The following ZC3H13 variants were observed in gnomAD, a reference collection of about 807,000 sequenced individuals.
ZC3H13 encodes zinc finger CCCH-type containing 13.
In ZC3H13, 64 loss-of-function variants were observed where a neutral mutation model predicts 204.1. That is an observed-to-expected ratio of 0.31 (90% confidence interval 0.26 to 0.39). The LOEUF (loss-of-function observed/expected upper bound fraction) is 0.39. Among genes scored for constraint, ZC3H13 ranks in the 10% least tolerant of loss-of-function variants. The probability of loss-of-function intolerance (pLI) is 1.00; values close to 1 mark genes in which losing one functional copy is unlikely to be tolerated. For synonymous variants in ZC3H13, 667 were observed against 693.7 expected, an observed-to-expected ratio of 0.96 and a Z score of 0.60; for missense variants, 1,833 against 2,082.7, an observed-to-expected ratio of 0.88 and a Z score of 2.33.
chr13:46,007,692 T>C (rs2041250459), intron 7 of ZC3H13, among the ~76,000 whole-genome samples: 1 of 152,226 alleles, frequency 6.6e-6, no homozygotes, highest in Non-Finnish European at 1.5e-5. Flanking sequence ...GTTTTGTGTA[T>C]TCTGAAATCA....
intron 17 of ZC3H13, chr13:45,963,584 G>A: frequency 8.1e-7 from 1 of 1,235,556 alleles, no homozygotes. Flanking sequence ...CACCACGCCT[G>A]GCCTGTTAAT....
chr13:46,038,305 G>A (rs775000317), intron 4 of ZC3H13, among the ~76,000 whole-genome samples: 3 of 152,060 alleles, frequency 2.0e-5, no homozygotes, highest in Non-Finnish European at 2.9e-5. Context: ...ACACCGCGTC[G>A]ATCCTTCAAC....
At chr13:45,982,334 C>A (rs538990739) in intron 10 of ZC3H13, among the ~76,000 whole-genome samples, 2 of 151,976 alleles carry the variant, frequency 1.3e-5, no homozygotes, top group South Asian at 4.2e-4. Context: ...AATGGATTAA[C>A]CATCAGATTA....
chr13:46,000,233 T>C (rs989396893), intron 8 of ZC3H13, among the ~76,000 whole-genome samples: 6 of 152,226 alleles, frequency 3.9e-5, no homozygotes, highest in East Asian at 1.9e-4. Flanking sequence ...AAGCCAAGCA[T>C]TGACTTCTCC....
At chr13:46,025,504 C>T (rs2042490621) in intron 4 of ZC3H13, among the ~76,000 whole-genome samples, 1 of 152,112 alleles carries the variant, frequency 6.6e-6, no homozygotes, top group African/African-American at 2.4e-5. Flanking sequence ...GAGACAGGGT[C>T]TCTCTATGTT....
intron 4 of ZC3H13, among the ~76,000 whole-genome samples, chr13:46,028,078 A>C (rs2042652603): frequency 6.6e-6 from 1 of 152,206 alleles, no homozygotes; most frequent in Non-Finnish European, 1.5e-5. Flanking sequence ...TATGTTGTCT[A>C]CAAGAAACCC....
At chr13:45,961,509 T>C (rs572616233) in intron 17 of ZC3H13, among the ~76,000 whole-genome samples, 8 of 130,776 alleles carry the variant, frequency 6.1e-5, no homozygotes, top group Non-Finnish European at 1.3e-4. Flanking sequence ...CAACAGAGAG[T>C]AGAATGATGG....
intron 10 of ZC3H13, among the ~76,000 whole-genome samples, chr13:45,983,978 T>C (rs147247448): frequency 2.6e-5 from 4 of 152,324 alleles, no homozygotes; most frequent in Admixed American, 6.5e-5. Flanking sequence ...TAGTGACATA[T>C]GTACACAGTT....
At chr13:46,013,891 T>C (rs374458321) in intron 5 of ZC3H13, among the ~76,000 whole-genome samples, 3 of 152,248 alleles carry the variant, frequency 2.0e-5, no homozygotes, top group South Asian at 4.1e-4. Context: ...ATATAAAGAA[T>C]TCTTACTAAT....
rs1221551530 is a variant in ZC3H13, at chr13:45,969,191, G to A, written c.3353C>T (p.Thr1118Ile). ...GGCAGCAGCAGTAGTGGCAGCAAGA[G>A]TTGCAGGCACAGTTGTAGCAGTGGC... ...ATATATTVPA[T>I]LAATTAAAAT... Residue 1118 changes from threonine (T) to isoleucine (I), a missense_variant, in exon 14 of 19, where the codon ACT (threonine) becomes ATT (isoleucine). Physicochemically the swap from Thr to Ile is moderately conservative, Grantham distance 89 (BLOSUM62 -1). Coordinates refer to ENST00000679008, the MANE Select transcript of ZC3H13 (RefSeq NM_001330564.2). 1 of 1,614,050 alleles carries A rather than the reference G, an allele frequency of 6.2e-7. No homozygotes were observed. The highest frequency in any genetic ancestry group is 8.5e-7 in the Non-Finnish European group (1 of 1,179,994).
chr13:45,954,500 A>C lies in ZC3H13; in HGVS notation c.*2627T>G, dbSNP rs1951185910. 1 of 152,246 alleles carries C rather than the reference A, an allele frequency of 6.6e-6. No homozygotes were observed. The highest frequency in any genetic ancestry group is 2.4e-5 in the African/African-American group (1 of 41,472). The allele number at this position is 152,246 out of a possible 1,614,324, so 9.4% of individuals were successfully genotyped here. A position where few individuals can be genotyped will look rare whatever the true frequency, so the allele number is the denominator to read the frequency against. Reference sequence around the variant, plus strand: ...AAGAAAGTTTATTGGAGATTATTAAAGAAAAATGATAAAATAAGGCAAGTC... The same window carrying C: ...AAGAAAGTTTATTGGAGATTATTAACGAAAAATGATAAAATAAGGCAAGTC... On this transcript the variant is annotated 3_prime_UTR_variant, in exon 19 of 19. Coordinates refer to ENST00000679008, the MANE Select transcript of ZC3H13 (RefSeq NM_001330564.2).
At chr13:45,997,454 A>G (rs1471999987) in intron 8 of ZC3H13, among the ~76,000 whole-genome samples, 1 of 152,148 alleles carries the variant, frequency 6.6e-6, no homozygotes, top group African/African-American at 2.4e-5. Flanking sequence ...CTCCCTCACC[A>G]AAACACATAC....
At chr13:46,009,828 A>G (rs1002477176) in intron 7 of ZC3H13, among the ~76,000 whole-genome samples, 2 of 152,100 alleles carry the variant, frequency 1.3e-5, no homozygotes, top group African/African-American at 4.8e-5. Context: ...TTTGTGTATA[A>G]TTTGTAGCAG....
At chr13:46,017,734 C>T (rs2041998527) in intron 5 of ZC3H13, among the ~76,000 whole-genome samples, 1 of 151,962 alleles carries the variant, frequency 6.6e-6, no homozygotes, top group South Asian at 2.1e-4. Context: ...CTGAATCCAG[C>T]TAAAATTGTT....
chr13:45,988,108 GCTCT>G (rs1373019861), intron 9 of ZC3H13, among the ~76,000 whole-genome samples: 17 of 151,950 alleles, frequency 1.1e-4, no homozygotes, highest in African/African-American at 4.1e-4. Flanking sequence ...TTCAAACTAC[GCTCT>G]CTGATTTGTT....
At chr13:46,049,379 A>C (rs1407054634) in intron 1 of ZC3H13, among the ~76,000 whole-genome samples, 2 of 152,176 alleles carry the variant, frequency 1.3e-5, no homozygotes, top group African/African-American at 4.8e-5. Context: ...TCTGGTGAAA[A>C]AAGAAAAAAG....
chr13:46,014,410 G>A (rs945367017), intron 5 of ZC3H13, among the ~76,000 whole-genome samples: 1 of 151,950 alleles, frequency 6.6e-6, no homozygotes, highest in African/African-American at 2.4e-5. Flanking sequence ...GTGTTGATCA[G>A]CAACTTCCAG....
At chr13:46,044,912 C>A in intron 3 of ZC3H13, 43 bp downstream of exon 3, 3 of 1,375,406 alleles carry the variant, frequency 2.2e-6, no homozygotes, top group East Asian at 2.6e-5. Flanking sequence ...TTACAAAAGC[C>A]ATCTTCTAAT....
At chr13:46,044,669 G>A (rs1171344377) in intron 3 of ZC3H13, among the ~76,000 whole-genome samples, 1 of 152,016 alleles carries the variant, frequency 6.6e-6, no homozygotes, top group East Asian at 1.9e-4. Flanking sequence ...GTCTTAAGCA[G>A]CAATTTAATA....
Sources: allele counts gnomAD v4.1 joint callset (sites outside exome capture counted in the v4.1 genomes callset), GRCh38; gene constraint gnomAD v4.1.1; transcripts MANE v1.5; gene names NCBI Gene and HGNC (gene_info 2026-07-23, HGNC 2026-07-21).